The following ENTPD1 variants were observed in gnomAD, a reference collection of about 807,000 sequenced individuals.
ENTPD1 encodes ATP diphosphohydrolase.
In ENTPD1, 33 loss-of-function variants were observed where a neutral mutation model predicts 57.0. The observed-to-expected ratio is 0.58, with a 90% CI of 0.44 to 0.77. ENTPD1 has a LOEUF of 0.77. Among genes scored for constraint, ENTPD1 ranks in the 30% least tolerant of loss-of-function variants. The pLI is 0.00. For missense variants in ENTPD1, 501 were observed against 603.4 expected, an observed-to-expected ratio of 0.83 and a Z score of 1.78; for synonymous variants, 202 against 218.8, an observed-to-expected ratio of 0.92 and a Z score of 0.68.
chr10:95,800,819 T>C (rs544065568), intron 1 of ENTPD1, among the ~76,000 whole-genome samples: 1 of 152,322 alleles, frequency 6.6e-6, no homozygotes, highest in African/African-American at 2.4e-5. Context: ...TATTCTGTTA[T>C]TTTTCAGGGT....
At chr10:95,715,445 G>A (rs921377162) in intron 1 of ENTPD1, among the ~76,000 whole-genome samples, 3 of 149,636 alleles carry the variant, frequency 2.0e-5, no homozygotes, top group Non-Finnish European at 4.4e-5. Flanking sequence ...AAACTAAACT[G>A]TGTTTCTTTT....
upstream of ENTPD1, chr10:95,753,120 G>A (rs181086278): frequency 2.9e-4 from 44 of 152,036 alleles, 1 homozygote; most frequent in African/African-American, 1.0e-3. Flanking sequence ...ACCCCTTTCT[G>A]ACAACTCCTT....
At chr10:95,755,836 T>C (rs913685355), upstream of ENTPD1, 5 of 1,514,382 alleles carry the variant, frequency 3.3e-6, no homozygotes, top group Non-Finnish European at 4.4e-6. Flanking sequence ...GCAGCTGAGA[T>C]GACTTTTTCA....
intron 1 of ENTPD1, among the ~76,000 whole-genome samples, chr10:95,774,397 T>G (rs2098126151): frequency 6.6e-6 from 1 of 152,198 alleles, no homozygotes; most frequent in Non-Finnish European, 1.5e-5. Context: ...AGTCATGAAG[T>G]CTTTGCCCAT....
Position 95,876,270 on chromosome 10 carries a change from T to C in ENTPD1, c.*9887T>C, listed in dbSNP as rs2098485678. 1 of 979,542 alleles carries C rather than the reference T, an allele frequency of 1.0e-6. No homozygotes were observed. 60.7% of individuals were successfully genotyped at this position (979,542 alleles called of 1,614,324 possible). Reference sequence around the variant, plus strand: ...AATTTTATAATAACACAAGTTGATTTTGACATCCAACTTATTAATTATGAA... The same window carrying C: ...AATTTTATAATAACACAAGTTGATTCTGACATCCAACTTATTAATTATGAA... On this transcript the variant is annotated 3_prime_UTR_variant, in exon 10 of 10. Transcript: ENST00000371205.
intron 1 of ENTPD1, among the ~76,000 whole-genome samples, chr10:95,799,026 C>T (rs2098237740): frequency 6.6e-6 from 1 of 152,210 alleles, no homozygotes; most frequent in African/African-American, 2.4e-5. Context: ...CGGTTTTATA[C>T]AGACAGACAA....
At chr10:95,834,516 G>A (rs1214719346) in intron 2 of ENTPD1, among the ~76,000 whole-genome samples, 1 of 152,176 alleles carries the variant, frequency 6.6e-6, no homozygotes, top group East Asian at 1.9e-4. Flanking sequence ...AGTTCCACCA[G>A]AGGTGTTTTC....
chr10:95,704,429 G>A, the ENTPD1 span, among the ~76,000 whole-genome samples: 1 of 152,008 alleles, frequency 6.6e-6, no homozygotes, highest in African/African-American at 2.4e-5. Context: ...AAATGGTATC[G>A]CTTTGGCTCC....
Position 95,835,233 on chromosome 10 carries a change from C to T in ENTPD1, c.145-4458C>T, listed in dbSNP as rs185900894. 1.8e-3 allele frequency among the ~76,000 whole-genome samples: 280 copies of T among 152,298 alleles called. 4 individuals carry two copies. Among genetic ancestry groups the T allele is most frequent in the Admixed American group, 0.015 (234 of 15,298 alleles). Reference sequence around the variant, plus strand: ...GTGTTAATTCGCTTAGGGTAGTGGCCTCCAGCTGCATTCATGTTGCTGCAA... The same window carrying T: ...GTGTTAATTCGCTTAGGGTAGTGGCTTCCAGCTGCATTCATGTTGCTGCAA... On this transcript the variant is annotated intron_variant, in intron 2 of 9. Transcript: ENST00000371205.
intron 1 of ENTPD1, among the ~76,000 whole-genome samples, chr10:95,770,834 T>A (rs1246323278): frequency 2.0e-5 from 3 of 152,208 alleles, no homozygotes; most frequent in Non-Finnish European, 4.4e-5. Flanking sequence ...ACTCAGTGGA[T>A]TTTAGTGCTA....
chr10:95,705,953 G>T, the ENTPD1 span, among the ~76,000 whole-genome samples: 2 of 152,172 alleles, frequency 1.3e-5, no homozygotes, highest in African/African-American at 2.4e-5. Context: ...TAAAAATTTA[G>T]TTGGGTGTGA....
intron 7 of ENTPD1, among the ~76,000 whole-genome samples, 193 bp from the exon 8 acceptor site, chr10:95,860,276 A>T (rs2098463212): frequency 6.6e-6 from 1 of 152,186 alleles, no homozygotes; most frequent in African/African-American, 2.4e-5. Context: ...CAGGTGGCTT[A>T]GAAATGTGTG....
chr10:95,809,793 G>A (rs1471601807), intron 1 of ENTPD1, among the ~76,000 whole-genome samples: 1 of 151,076 alleles, frequency 6.6e-6, no homozygotes, highest in Non-Finnish European at 1.5e-5. Flanking sequence ...TCCCAGACGG[G>A]GCGGCGGGGC....
chr10:95,828,656 G>A (rs1380226283), intron 2 of ENTPD1, among the ~76,000 whole-genome samples: 1 of 151,598 alleles, frequency 6.6e-6, no homozygotes, highest in African/African-American at 2.4e-5. Context: ...ATTTCCACAT[G>A]CATTTCCATT....
At chr10:95,774,733 G>A (rs11188481) in intron 1 of ENTPD1, among the ~76,000 whole-genome samples, 8,339 of 152,252 alleles carry the variant, frequency 0.055, 266 homozygotes, top group South Asian at 0.088. Context: ...GGTTACTGTA[G>A]CCTTGTAGTA....
intron 1 of ENTPD1, among the ~76,000 whole-genome samples, chr10:95,767,273 C>G (rs2098092825): frequency 7.0e-6 from 1 of 143,744 alleles, no homozygotes; most frequent in Non-Finnish European, 1.5e-5. Context: ...CGAGATCATA[C>G]CACTGCACTC....
At chr10:95,722,006 C>G (rs1360255879) in intron 1 of ENTPD1, among the ~76,000 whole-genome samples, 1 of 152,152 alleles carries the variant, frequency 6.6e-6, no homozygotes, top group East Asian at 1.9e-4. Context: ...CCAGTTGCCC[C>G]ATCAAGATAC....
intron 1 of ENTPD1, among the ~76,000 whole-genome samples, chr10:95,762,574 C>T (rs957770947): frequency 4.6e-5 from 7 of 152,086 alleles, no homozygotes; most frequent in Middle Eastern, 3.4e-3. Flanking sequence ...TCTTTGTTAG[C>T]GTAATTTTTA....
At chr10:95,816,890 G>A (rs1247330606) in intron 1 of ENTPD1, among the ~76,000 whole-genome samples, 1 of 152,202 alleles carries the variant, frequency 6.6e-6, no homozygotes, top group East Asian at 1.9e-4. Flanking sequence ...ATTGATGGCT[G>A]CATTTAAAGT....
Sources: gnomAD v4.1 joint callset for allele counts (sites outside exome capture counted in the v4.1 genomes callset) on GRCh38, gnomAD v4.1.1 for gene constraint, MANE v1.5 for transcripts, NCBI Gene and HGNC (gene_info 2026-07-23, HGNC 2026-07-21) for gene names.